ANXA4: variants seen among roughly 807,000 people sequenced by gnomAD.
ANXA4 encodes the protein 35-beta calcimedin.
Under a neutral mutation model 49.8 loss-of-function variants are expected in ANXA4, and 39 were observed. That is an observed-to-expected ratio of 0.78 (90% CI 0.61 to 1.02). The LOEUF is 1.02. Among genes scored for constraint, ANXA4 ranks in the 50% least tolerant of loss-of-function variants. The pLI, the probability that ANXA4 is intolerant of heterozygous loss-of-function variation, is 0.00. For synonymous variants in ANXA4, 134 were observed against 152.5 expected, an observed-to-expected ratio of 0.88 and a Z score of 0.89; for missense variants, 360 against 410.1, an observed-to-expected ratio of 0.88 and a Z score of 1.05.
chr2:69,817,896 C>T (rs555649422), intron 9 of ANXA4: 1 of 152,242 alleles, frequency 6.6e-6, no homozygotes, highest in Non-Finnish European at 1.5e-5. Context: ...CGGGTCCTGA[C>T]TGGGTCAACT....
chr2:69,771,872 A>G (rs1351117825), intron 1 of ANXA4, among the ~76,000 whole-genome samples: 1 of 152,052 alleles, frequency 6.6e-6, no homozygotes, highest in Non-Finnish European at 1.5e-5. Context: ...AGTTGAACTT[A>G]TTTACAACTT....
intron 3 of ANXA4, chr2:69,803,540 A>G (rs1451263628): frequency 6.6e-6 from 1 of 152,238 alleles, no homozygotes; most frequent in Non-Finnish European, 1.5e-5. Flanking sequence ...GAACATTTTT[A>G]ATTTGTAATT....
At position 69,732,723 on chromosome 2, in the gene ANXA4, A is replaced by C. The variant is rs565754304; in HGVS notation, n.864+11852A>C. On this transcript the variant is annotated intron_variant and non_coding_transcript_variant, in intron 3 of 3. Coordinates refer to the ANXA4 transcript ENST00000418066. ...CAGTGAGCTGAGATCGCACCATTGC[A>C]CTCCAGCCTGGGCAATAAGAGCAAA... Among the ~76,000 whole-genome samples the C allele has an allele frequency of 2.0e-5, 3 of 152,234 alleles. No homozygotes were observed. In the East Asian group the frequency reaches 5.8e-4, roughly 29 times the overall value.
chr2:69,721,729 C>T (rs1233759804), intron 3 of ANXA4, among the ~76,000 whole-genome samples: 1 of 151,984 alleles, frequency 6.6e-6, no homozygotes, highest in East Asian at 1.9e-4. Context: ...ATTGTTTAAA[C>T]TCCAGGTAAG....
chr2:69,650,255 G>T (rs1262246188), intron 1 of ANXA4, among the ~76,000 whole-genome samples: 3 of 151,830 alleles, frequency 2.0e-5, no homozygotes, highest in Admixed American at 1.3e-4. Context: ...TCTTTCTAAG[G>T]CTACGTTGTT....
chr2:69,685,364 T>C (rs988866167), intron 2 of ANXA4, among the ~76,000 whole-genome samples: 2 of 152,084 alleles, frequency 1.3e-5, no homozygotes, highest in African/African-American at 2.4e-5. Flanking sequence ...TTTTTTTTCA[T>C]GATATTCTTT....
At chr2:69,811,637 T>C (rs1048103829) in intron 7 of ANXA4, among the ~76,000 whole-genome samples, 1 of 152,180 alleles carries the variant, frequency 6.6e-6, no homozygotes, top group Non-Finnish European at 1.5e-5. Context: ...TTTTTAGATG[T>C]TTCATTACAG....
intron 1 of ANXA4, among the ~76,000 whole-genome samples, chr2:69,775,663 T>C (rs2103627097): frequency 6.6e-6 from 1 of 152,322 alleles, no homozygotes; most frequent in South Asian, 2.1e-4. Flanking sequence ...CATCAGAGCA[T>C]GTATAGGAGA....
At chr2:69,737,694 G>A (rs763929549), upstream of ANXA4, among the ~76,000 whole-genome samples, 3 of 152,038 alleles carry the variant, frequency 2.0e-5, no homozygotes, top group Non-Finnish European at 4.4e-5. Flanking sequence ...AAACTCCTGG[G>A]CTCAAGTTGT....
chr2:69,646,973 T>A (rs75720881), intron 1 of ANXA4, among the ~76,000 whole-genome samples: 328 of 152,368 alleles, frequency 2.2e-3, no homozygotes, highest in African/African-American at 7.6e-3. Flanking sequence ...AGTGTCTTCA[T>A]GTCCTTTGCT....
intron 3 of ANXA4, chr2:69,720,897 A>T (rs898442951): frequency 6.6e-6 from 1 of 152,310 alleles, no homozygotes; most frequent in East Asian, 1.9e-4. Context: ...CATGCAGAGC[A>T]AAGAGTTGAG....
At chr2:69,656,245 A>G (rs1559045644) in intron 2 of ANXA4, among the ~76,000 whole-genome samples, 1 of 125,544 alleles carries the variant, frequency 8.0e-6, no homozygotes, top group Non-Finnish European at 1.7e-5. Context: ...ATATACGTAT[A>G]TATATGTATA....
intron 2 of ANXA4, among the ~76,000 whole-genome samples, chr2:69,712,120 A>G (rs1559101147): frequency 6.6e-6 from 1 of 151,910 alleles, no homozygotes; most frequent in Non-Finnish European, 1.5e-5. Context: ...TTTTCCACTA[A>G]ACAGACCACA....
chr2:69,785,642 A>G (rs910231463), intron 2 of ANXA4, among the ~76,000 whole-genome samples: 1 of 152,026 alleles, frequency 6.6e-6, no homozygotes, highest in African/African-American at 2.4e-5. Flanking sequence ...GCATTCCTGT[A>G]TTATCCTGTT....
At chr2:69,709,981 C>CTTTTTTTTT (rs974347199) in intron 2 of ANXA4, among the ~76,000 whole-genome samples, 1 of 97,028 alleles carries the variant, frequency 1.0e-5, no homozygotes, top group African/African-American at 4.3e-5. Flanking sequence ...CACTTCCAGG[C>CTTTTTTTTT]TTTTTTTTTT....
chr2:69,767,328 A>G (rs2105544686), intron 1 of ANXA4, among the ~76,000 whole-genome samples: 1 of 152,338 alleles, frequency 6.6e-6, no homozygotes, highest in East Asian at 1.9e-4. Context: ...ACCTGTTTCG[A>G]CACTGGATTC....
chr2:69,679,804 T>C (rs1374776342), intron 2 of ANXA4, among the ~76,000 whole-genome samples: 1 of 152,226 alleles, frequency 6.6e-6, no homozygotes, highest in Non-Finnish European at 1.5e-5. Flanking sequence ...TTGTAGACAA[T>C]CAGTTGGCTG....
intron 3 of ANXA4, among the ~76,000 whole-genome samples, chr2:69,736,097 T>C (rs1670237960): frequency 6.6e-6 from 1 of 152,168 alleles, no homozygotes; most frequent in Non-Finnish European, 1.5e-5. Context: ...GATGACCAGG[T>C]CTCCTTTTAA....
chr2:69,791,354 C>T (rs1416345775), intron 3 of ANXA4, among the ~76,000 whole-genome samples: 1 of 152,150 alleles, frequency 6.6e-6, no homozygotes, highest in East Asian at 1.9e-4. Flanking sequence ...GTAAAACAAC[C>T]AGTTTTTCCA....
Sources: gnomAD v4.1 joint callset for allele counts (sites outside exome capture counted in the v4.1 genomes callset) on GRCh38, gnomAD v4.1.1 for gene constraint, MANE v1.5 for transcripts, NCBI Gene and HGNC (gene_info 2026-07-23, HGNC 2026-07-21) for gene names.